GRIP1: variants seen among roughly 807,000 people sequenced by gnomAD.
The protein encoded by GRIP1 is glutamate receptor interacting protein 1.
A neutral mutation model predicts 129.9 loss-of-function variants in GRIP1; 45 were observed. The ratio of observed to expected loss-of-function variants is 0.35; its 90% confidence interval spans 0.27 to 0.44. The LOEUF is 0.44. Among genes scored for constraint, GRIP1 ranks in the 20% least tolerant of loss-of-function variants. GRIP1 has a pLI of 1.00. For missense variants in GRIP1, 1,196 were observed against 1,396.8 expected, an observed-to-expected ratio of 0.86 and a Z score of 2.29; for synonymous variants, 530 against 520.8, an observed-to-expected ratio of 1.02 and a Z score of -0.24.
chr12:66,720,424 T>C (rs2136442387), intron 1 of GRIP1, among the ~76,000 whole-genome samples: 1 of 152,332 alleles, frequency 6.6e-6, no homozygotes, highest in African/African-American at 2.4e-5. Context: ...TGTGGCAATT[T>C]CTTAAAATAA....
chr12:66,529,319 CAA>C (rs760637718), intron 5 of GRIP1, among the ~76,000 whole-genome samples: 7 of 152,066 alleles, frequency 4.6e-5, no homozygotes, highest in Non-Finnish European at 8.8e-5. Flanking sequence ...AGTCATAATA[CAA>C]AAAAGATACT....
At chr12:66,437,335 G>A (rs1207875556) in intron 13 of GRIP1, among the ~76,000 whole-genome samples, 1 of 150,624 alleles carries the variant, frequency 6.6e-6, no homozygotes. Context: ...TAACTAGAGT[G>A]TTTTATTGAG....
At chr12:66,499,437 T>C (rs1444275765) in intron 7 of GRIP1, among the ~76,000 whole-genome samples, 1 of 152,242 alleles carries the variant, frequency 6.6e-6, no homozygotes, top group Non-Finnish European at 1.5e-5. Context: ...AATCAAATAC[T>C]CTTCATTTAT....
At chr12:66,799,502 T>C (rs2038798329) in intron 1 of GRIP1, among the ~76,000 whole-genome samples, 1 of 152,138 alleles carries the variant, frequency 6.6e-6, no homozygotes, top group Admixed American at 6.6e-5. Context: ...CTTCTATGCT[T>C]GTAAGCACTA....
At chr12:66,968,411 C>A (rs1190140795) in intron 1 of GRIP1, among the ~76,000 whole-genome samples, 3 of 151,820 alleles carry the variant, frequency 2.0e-5, no homozygotes, top group African/African-American at 7.3e-5. Context: ...ATATTTTTTT[C>A]TTATTTTGCC....
intron 2 of GRIP1, among the ~76,000 whole-genome samples, chr12:66,561,804 AAG>A (rs1323644563): frequency 2.6e-5 from 4 of 152,136 alleles, no homozygotes; most frequent in Admixed American, 6.6e-5. Context: ...GCTGCTAAGA[AAG>A]AATATGTCTG....
intron 19 of GRIP1, among the ~76,000 whole-genome samples, chr12:66,381,940 G>A (rs564539253): frequency 6.6e-6 from 1 of 152,344 alleles, no homozygotes; most frequent in Admixed American, 6.5e-5. Context: ...AGAGATTAAA[G>A]TAAGAAAAGT....
chr12:66,776,195 T>G (rs185940034), intron 1 of GRIP1, among the ~76,000 whole-genome samples: 1 of 152,186 alleles, frequency 6.6e-6, no homozygotes, highest in African/African-American at 2.4e-5. Flanking sequence ...ACAAAACAGA[T>G]AGAAGCAAAT....
At chr12:66,523,740 G>C (rs1416161245) in intron 5 of GRIP1, among the ~76,000 whole-genome samples, 1 of 152,124 alleles carries the variant, frequency 6.6e-6, no homozygotes. Flanking sequence ...TGGCAAATTG[G>C]ATAAAGAGTC....
chr12:66,678,811 A>C lies in GRIP1; in HGVS notation c.55+39T>G, dbSNP rs762177367. Reference sequence around the variant, plus strand: ...TTAAACTGTGTTTATAGGATACTGCAACAGACTCGCTGAGGGAATAACAAG... The same window carrying C: ...TTAAACTGTGTTTATAGGATACTGCCACAGACTCGCTGAGGGAATAACAAG... On this transcript the variant is annotated intron_variant, in intron 1 of 24. Transcript: ENST00000359742. 1.9e-6 allele frequency: 3 copies of C among 1,586,076 alleles called. No individual in the cohort carries two copies. In the African/African-American group the frequency reaches 4.0e-5, roughly 21 times the overall value.
intron 2 of GRIP1, among the ~76,000 whole-genome samples, chr12:66,576,679 A>C (rs1466232190): frequency 2.0e-5 from 3 of 152,338 alleles, no homozygotes; most frequent in Admixed American, 1.3e-4. Context: ...AATAAGACTG[A>C]CATGATTTTT....
intron 1 of GRIP1, among the ~76,000 whole-genome samples, chr12:67,040,598 C>T (rs59616081): frequency 0.024 from 3,606 of 152,212 alleles, 134 homozygotes; most frequent in African/African-American, 0.083. Context: ...ACACGAATCC[C>T]AGCCCCACAC....
Position 66,727,277 on chromosome 12 carries a change from C to T in GRIP1, c.-420+76776G>A, listed in dbSNP as rs904641749. Among the ~76,000 whole-genome samples the T allele has an allele frequency of 2.0e-5, 3 of 152,182 alleles. No individual in the cohort carries two copies. In the East Asian group the frequency reaches 5.8e-4, roughly 29 times the overall value. ...CATACCATGTAACTTCACAATGCCT[C>T]GCAGTGGAATAGGTGGGGGCAAATA... On this transcript the variant is annotated intron_variant, in intron 1 of 4. Transcript: ENST00000538373.
intron 1 of GRIP1, among the ~76,000 whole-genome samples, chr12:66,632,466 G>A (rs1179882365): frequency 6.6e-6 from 1 of 152,210 alleles, no homozygotes; most frequent in African/African-American, 2.4e-5. Flanking sequence ...TCCCTGGATG[G>A]TGCCAATGTT....
intron 1 of GRIP1, among the ~76,000 whole-genome samples, chr12:66,731,431 CTG>C (rs2036433932): frequency 6.6e-6 from 1 of 152,168 alleles, no homozygotes; most frequent in Non-Finnish European, 1.5e-5. Context: ...CATAAGATCA[CTG>C]TGCAATGTTT....
intron 1 of GRIP1, among the ~76,000 whole-genome samples, chr12:66,645,333 C>T (rs1278904389): frequency 6.6e-6 from 1 of 152,204 alleles, no homozygotes; most frequent in Non-Finnish European, 1.5e-5. Context: ...GGTCGCCTGA[C>T]CTCTATTACA....
At position 66,679,024 on chromosome 12, in the gene GRIP1, G is replaced by A. The variant is rs1248152731; in HGVS notation, c.-120C>T. 8.9e-6 allele frequency: 14 copies of A among 1,569,102 alleles called. No homozygotes were observed. Among genetic ancestry groups the A allele is most frequent in the Middle Eastern group, 1.7e-4 (1 of 5,976 alleles). On this transcript the variant is annotated 5_prime_UTR_variant, in exon 1 of 25. Coordinates refer to ENST00000359742, the MANE Select transcript of GRIP1 (RefSeq NM_001366722.1). ...AGGAGAAAGGTAGTCCCAGTGGGGA[G>A]TGACAAAGCTTAATTCCTCTTGGCT...
chr12:66,841,753 C>T (rs949715320), intron 1 of GRIP1, among the ~76,000 whole-genome samples: 1 of 152,106 alleles, frequency 6.6e-6, no homozygotes. Flanking sequence ...GGAGCCATAC[C>T]TAGAACCTAA....
chr12:66,679,458 AAAAAAAGG>A (rs1423042765), upstream of GRIP1, among the ~76,000 whole-genome samples: 1 of 151,196 alleles, frequency 6.6e-6, no homozygotes, highest in Non-Finnish European at 1.5e-5. Context: ...AAAAAAAAAA[AAAAAAAGG>A]AAAGAAAAAG....
Sources: gnomAD v4.1 joint callset for allele counts (sites outside exome capture counted in the v4.1 genomes callset) on GRCh38, gnomAD v4.1.1 for gene constraint, MANE v1.5 for transcripts, NCBI Gene and HGNC (gene_info 2026-07-23, HGNC 2026-07-21) for gene names.